Variants in DLG1 observed in about 807,000 individuals in gnomAD.
DLG1 encodes the protein discs large MAGUK scaffold protein 1.
DLG1 carries 42 observed loss-of-function variants against 123.4 expected under a neutral mutation model. That is an observed-to-expected ratio of 0.34 (90% CI 0.27 to 0.44). The LOEUF is 0.44. Among genes scored for constraint, DLG1 ranks in the 20% least tolerant of loss-of-function variants. DLG1 has a pLI of 1.00. For missense variants in DLG1, 942 were observed against 1,082.6 expected (o/e 0.87, Z 1.82); for synonymous variants, 317 against 356.2 (o/e 0.89, Z 1.24).
chr3:197,195,328 T>A (rs1182208431), intron 4 of DLG1, among the ~76,000 whole-genome samples: 2 of 151,966 alleles, frequency 1.3e-5, no homozygotes, highest in African/African-American at 4.8e-5. Context: ...GATATTTTTT[T>A]AAAAAGGCAT....
At position 197,193,362 on chromosome 3, in the gene DLG1, C is replaced by T. The variant is rs1302589947; in HGVS notation, c.483+1063G>A. On this transcript the variant is annotated intron_variant, in intron 5 of 24. Coordinates refer to ENST00000667157, the MANE Select transcript of DLG1 (RefSeq NM_001366207.1). The stretch of plus-strand genomic sequence containing the variant: ...CAAAACAATGCCAAAAATAAGAATA[C>T]CGATTGAAGAGAACATGGATCAATT... 3.9e-4 allele frequency among the ~76,000 whole-genome samples: 60 copies of T among 152,012 alleles called. 1 individual carries two copies. The highest frequency in any genetic ancestry group is 3.9e-3 in the Admixed American group (59 of 15,268).
intron 4 of DLG1, among the ~76,000 whole-genome samples, chr3:197,213,310 A>G (rs1022268580): frequency 1.3e-5 from 2 of 152,222 alleles, no homozygotes; most frequent in South Asian, 2.1e-4. Context: ...AAAAGACACT[A>G]AAGAGTCTTA....
rs534010269 is a variant in DLG1 at position 197,172,379 on chromosome 3, A to G, written c.483+22046T>C. Among the ~76,000 whole-genome samples, 151 of 152,284 alleles carry G rather than the reference A, an allele frequency of 9.9e-4. 2 individuals are homozygous for G. The highest frequency in any genetic ancestry group is 3.3e-3 in the African/African-American group (136 of 41,572). ...CTTTTTATCTTCTGTATAATTATAT[A>G]CAAAAATAAATATACACCGTATTCC... On this transcript the variant is annotated intron_variant, in intron 5 of 24. Coordinates refer to ENST00000667157, the MANE Select transcript of DLG1 (RefSeq NM_001366207.1).
chr3:197,183,444 GA>G (rs36054755), intron 5 of DLG1: 104,866 of 851,590 alleles, frequency 0.12, 7,076 homozygotes, highest in Non-Finnish European at 0.14. Context: ...CGGATGGACA[GA>G]AAACATACAT....
chr3:197,125,582 G>A (rs1259528450), intron 11 of DLG1, among the ~76,000 whole-genome samples: 3 of 152,192 alleles, frequency 2.0e-5, no homozygotes, highest in Admixed American at 6.5e-5. Flanking sequence ...AATGAACTGA[G>A]GGTTGTAGTC....
chr3:197,228,238 T>A (rs1740980380), intron 4 of DLG1, among the ~76,000 whole-genome samples: 2 of 152,370 alleles, frequency 1.3e-5, no homozygotes, highest in South Asian at 4.1e-4. Context: ...GGAGGATTTG[T>A]CTCATTGATC....
At chr3:197,165,649 T>A (rs188504824) in intron 5 of DLG1, among the ~76,000 whole-genome samples, 1 of 152,336 alleles carries the variant, frequency 6.6e-6, no homozygotes, top group East Asian at 1.9e-4. Flanking sequence ...AGCTCAAAAT[T>A]AATAACAATC....
chr3:197,173,212 A>G (rs942538201), intron 5 of DLG1, among the ~76,000 whole-genome samples: 3 of 152,152 alleles, frequency 2.0e-5, no homozygotes, highest in African/African-American at 7.2e-5. Context: ...CCGTATCTCT[A>G]GATTCCTCAT....
intron 4 of DLG1, among the ~76,000 whole-genome samples, chr3:197,201,774 T>C (rs1474424837): frequency 6.6e-6 from 1 of 151,860 alleles, no homozygotes; most frequent in Non-Finnish European, 1.5e-5. Flanking sequence ...AATGTAATAC[T>C]ACAATAAAAT....
intron 14 of DLG1, among the ~76,000 whole-genome samples, chr3:197,095,763 T>A (rs1031080552): frequency 6.6e-6 from 1 of 152,250 alleles, no homozygotes; most frequent in East Asian, 1.9e-4. Flanking sequence ...CATTTATTTA[T>A]ATGAGTAAAA....
chr3:197,134,046 C>G (rs1783925478), intron 10 of DLG1, among the ~76,000 whole-genome samples: 1 of 151,998 alleles, frequency 6.6e-6, no homozygotes, highest in Non-Finnish European at 1.5e-5. Context: ...ACATGGTAGC[C>G]AAGAAATTAA....
intron 23 of DLG1, 61 bp from the exon 24 acceptor site, chr3:197,051,729 G>T: frequency 3.1e-6 from 4 of 1,307,086 alleles, no homozygotes; most frequent in African/African-American, 1.5e-5. Context: ...AAAAAAAGAT[G>T]GCAAAGGAGA....
At chr3:197,131,401 G>T (rs1410876568) in intron 10 of DLG1, among the ~76,000 whole-genome samples, 2 of 151,668 alleles carry the variant, frequency 1.3e-5, no homozygotes, top group Non-Finnish European at 2.9e-5. Flanking sequence ...TACTCAAGTT[G>T]ATTTTTTTTC....
intron 4 of DLG1, among the ~76,000 whole-genome samples, chr3:197,249,093 A>G (rs1473383087): frequency 2.0e-5 from 3 of 152,220 alleles, no homozygotes; most frequent in African/African-American, 7.2e-5. Context: ...AATAAACATC[A>G]TAGCAGTAAT....
chr3:197,170,742 T>A (rs1803768615), intron 5 of DLG1, among the ~76,000 whole-genome samples: 1 of 152,188 alleles, frequency 6.6e-6, no homozygotes, highest in African/African-American at 2.4e-5. Flanking sequence ...TTTAATTAGA[T>A]CCCACTTGTC....
At chr3:197,186,435 TAC>T (rs775032409) in intron 5 of DLG1, among the ~76,000 whole-genome samples, 1 of 152,234 alleles carries the variant, frequency 6.6e-6, no homozygotes, top group Non-Finnish European at 1.5e-5. Flanking sequence ...TAATATGATA[TAC>T]AAAGAATATT....
At chr3:197,236,594 G>A (rs1165086592) in intron 4 of DLG1, among the ~76,000 whole-genome samples, 3 of 152,112 alleles carry the variant, frequency 2.0e-5, no homozygotes, top group Admixed American at 6.6e-5. Context: ...GGGACTCAAC[G>A]CCCAATCACA....
chr3:197,214,989 A>C (rs148222352), intron 4 of DLG1, among the ~76,000 whole-genome samples: 5 of 152,348 alleles, frequency 3.3e-5, no homozygotes, highest in African/African-American at 1.2e-4. Context: ...AGAAACTCTA[A>C]TACAGGTAAA....
intron 15 of DLG1, among the ~76,000 whole-genome samples, chr3:197,089,232 T>C (rs1756262030): frequency 6.6e-6 from 1 of 151,940 alleles, no homozygotes; most frequent in South Asian, 2.1e-4. Flanking sequence ...TAATATATGG[T>C]TTTAAAAAAT....
Sources: allele counts gnomAD v4.1 joint callset (sites outside exome capture counted in the v4.1 genomes callset), GRCh38; gene constraint gnomAD v4.1.1; transcripts MANE v1.5; gene names NCBI Gene and HGNC (gene_info 2026-07-23, HGNC 2026-07-21).